NEB: variants seen among roughly 807,000 people sequenced by gnomAD.
NEB encodes nebulin.
In NEB, 512 loss-of-function variants were observed where a neutral mutation model predicts 952.2. The observed-to-expected ratio is 0.54, with a 90% CI of 0.50 to 0.58. NEB has a LOEUF of 0.58. NEB is among the 20% of genes least tolerant of loss of function. The pLI is 0.00. For synonymous variants in NEB, 2,900 were observed against 3,149.8 expected (o/e 0.92, Z 2.66); for missense variants, 8,428 against 9,231.1 (o/e 0.91, Z 3.56).
chr2:151,519,672 T>A lies in NEB; in HGVS notation c.22576A>T (p.Asn7526Tyr). 6.2e-7 allele frequency: 1 copy of A among 1,608,998 alleles called. No individual in the cohort carries two copies. Among genetic ancestry groups the A allele is most frequent in the South Asian group, 1.1e-5 (1 of 90,936 alleles). ...QLYKVMKDAN[N>Y]LASEVKYKAD... ...TAGAAACATACCTCACTTGCAAGATTATTAGCATCTTTCATGACTTTGTAG... is the reference window on the plus strand; with the variant it reads ...TAGAAACATACCTCACTTGCAAGATAATTAGCATCTTTCATGACTTTGTAG... The change falls in exon 154 of 182, where the codon AAT becomes TAT. Residue 7526 changes from asparagine to tyrosine, a missense_variant. Asn to Tyr is a moderately radical substitution (Grantham distance 143). This residue lies in a region of NEB where 3,374 missense variants were observed against 3,651.5 expected (regional missense o/e 0.92). Transcript: ENST00000397345.
At chr2:151,604,130 T>C (rs1183385363) in intron 85 of NEB, among the ~76,000 whole-genome samples, 1 of 120,286 alleles carries the variant, frequency 8.3e-6, no homozygotes, top group Non-Finnish European at 1.7e-5. Flanking sequence ...TCTTAGGAGG[T>C]AAAGAACCTT....
At chr2:151,577,018 G>A (rs1288956292) in intron 105 of NEB, among the ~76,000 whole-genome samples, 1 of 152,152 alleles carries the variant, frequency 6.6e-6, no homozygotes, top group East Asian at 1.9e-4. Flanking sequence ...TTGAGGGACT[G>A]CATGGAAGAC....
chr2:151,561,392 T>C, intron 121 of NEB, 80 bp from the exon 122 acceptor site: 2 of 940,102 alleles, frequency 2.1e-6, no homozygotes, highest in Non-Finnish European at 3.3e-6. Flanking sequence ...CCAACTTACA[T>C]GTGCCTTTAT....
chr2:151,639,891 A>G lies in NEB; in HGVS notation c.8855T>C (p.Val2952Ala), dbSNP rs1409815303. Residue 2952 changes from valine (V) to alanine (A), a missense_variant, in exon 62 of 182, where the codon GTG becomes GCG. By Grantham distance (64) the Val-to-Ala change is moderately conservative (BLOSUM62 0). Around this residue, in one of 11 missense-constraint regions of NEB, gnomAD observed 1,772 missense variants for 1,960.3 expected, o/e 0.90. Transcript: ENST00000397345. Reference sequence around the variant, plus strand: ...AGTGATGGCATTATTTTTGGCCAACACTTGTTCCAGAGAGTCAGTCACACT... The same window carrying G: ...AGTGATGGCATTATTTTTGGCCAACGCTTGTTCCAGAGAGTCAGTCACACT... The part of the protein sequence containing the change: ...FTSVTDSLEQ[V>A]LAKNNAITMN... The G allele has an allele frequency of 6.2e-7, 1 of 1,613,910 alleles. No homozygotes were observed. Among genetic ancestry groups the G allele is most frequent in the East Asian group, 2.2e-5 (1 of 44,874 alleles).
rs761647998 is a variant in NEB, at chr2:151,618,278, A to G, written c.11073T>C (p.Asn3691=). The G allele has an allele frequency of 6.2e-7, 1 of 1,613,626 alleles. No individual in the cohort carries two copies. Among genetic ancestry groups the G allele is most frequent in the Non-Finnish European group, 8.5e-7 (1 of 1,179,576 alleles). Residue 3691 remains asparagine, a synonymous_variant, in exon 74 of 182, where the codon AAT becomes AAC. Coordinates refer to ENST00000397345, the MANE Select transcript of NEB (RefSeq NM_001164508.2). ...VLAKNNALNM[N]KRLYTEAWDN... is the part of the protein sequence containing the mutation. ...ACAGTGAGGATTGAAGACTCACCTT[A>G]TTCATGTTTAAAGCATTGTTTTTTG...
chr2:151,518,965 A>G lies in NEB; in HGVS notation c.22695T>C (p.Ser7565=), dbSNP rs1232699098. 1 of 1,605,058 alleles carries G rather than the reference A, an allele frequency of 6.2e-7. No homozygotes were observed. Among genetic ancestry groups the G allele is most frequent in the Admixed American group, 1.7e-5 (1 of 59,978 alleles). ...TTCTGGAGCAAATGACTGAGCTTAC[A>G]GAACTGGCAAGTTGGCTTGTATTCA... is the stretch of plus-strand genomic sequence containing the variant. The part of the protein sequence containing the change: ...HVLNTSQLAS[S]YQYKKKYEKS... The change falls in exon 155 of 182, where the codon TCT becomes TCC. Residue 7565 remains serine, a splice_region_variant and synonymous_variant. Coordinates refer to ENST00000397345, the MANE Select transcript of NEB (RefSeq NM_001164508.2).
chr2:151,697,290 T>C (rs747127559), intron 15 of NEB, 38 bp from the exon 16 acceptor site: 1 of 1,607,836 alleles, frequency 6.2e-7, no homozygotes, highest in Non-Finnish European at 8.5e-7. Context: ...ATGCAGCCAT[T>C]GTATTCATGC....
intron 111 of NEB, 86 bp downstream of exon 111, chr2:151,568,532 G>T (rs1227963393): frequency 2.1e-6 from 3 of 1,415,988 alleles, no homozygotes; most frequent in East Asian, 4.6e-5. Flanking sequence ...TATTTCAGAT[G>T]ATTGCATTCT....
intron 176 of NEB, 46 bp downstream of exon 176, chr2:151,493,307 T>G: frequency 7.1e-7 from 1 of 1,410,600 alleles, no homozygotes; most frequent in Non-Finnish European, 9.9e-7. Context: ...GTTAAAATGT[T>G]ATTTTCCAAG....
intron 64 of NEB, among the ~76,000 whole-genome samples, chr2:151,634,515 G>A (rs531989234): frequency 5.3e-4 from 81 of 152,088 alleles, no homozygotes; most frequent in African/African-American, 2.7e-4. Flanking sequence ...GGTGGCGGGC[G>A]CCTGTAGTCC....
At chr2:151,502,213 T>C (rs1383710819) in intron 167 of NEB, among the ~76,000 whole-genome samples, 15 of 152,122 alleles carry the variant, frequency 9.9e-5, no homozygotes, top group Non-Finnish European at 2.1e-4. Context: ...CTTTGGGGAC[T>C]TGCAGGAAAG....
At chr2:151,620,313 T>C (rs2098368656) in intron 72 of NEB, among the ~76,000 whole-genome samples, 1 of 130,860 alleles carries the variant, frequency 7.6e-6, no homozygotes, top group Non-Finnish European at 1.6e-5. Flanking sequence ...ATGGTTAAGA[T>C]GGTAAATTTT....
rs200165006 is a variant in NEB at position 151,492,419 on chromosome 2, G to A, written c.24841C>T (p.Arg8281Trp). The A allele has an allele frequency of 7.0e-5, 112 of 1,609,570 alleles. No individual in the cohort carries two copies. Among genetic ancestry groups the A allele is most frequent in the African/African-American group, 6.0e-4 (45 of 74,518 alleles). ...ATGTGCCGTTGGGTCTCCCTCACCC[G>A]TCTCATCTCGGGGGTATCCAATACA... The part of the protein sequence containing the change: ...AYVLDTPEMR[R>W]VRETQRHIST... Residue 8281 changes from arginine to tryptophan, a missense_variant, in exon 177 of 182, where the codon CGG becomes TGG. Coordinates refer to ENST00000397345, the MANE Select transcript of NEB (RefSeq NM_001164508.2).
intron 13 of NEB, 81 bp from the exon 14 acceptor site, chr2:151,697,729 A>C (rs990563574): frequency 1.7e-5 from 15 of 901,556 alleles, no homozygotes; most frequent in Non-Finnish European, 2.5e-5. Context: ...TCTAACACTA[A>C]ACAAAAGATG....
rs1210419420 is a variant in NEB at position 151,565,094 on chromosome 2, C to G, written c.18421G>C (p.Asp6141His). The G allele has an allele frequency of 6.2e-7, 1 of 1,601,362 alleles. No individual in the cohort carries two copies. The highest frequency in any genetic ancestry group is 1.7e-5 in the Admixed American group (1 of 59,718). Residue 6141 changes from aspartate (D) to histidine (H), a missense_variant, in exon 117 of 182, where the codon GAT (aspartate) becomes CAT (histidine). Asp to His is a moderately conservative substitution (Grantham distance 81, BLOSUM62 -1). Transcript: ENST00000397345. ...KAKGKYTFSP[D>H]TPHISHSKDM... is the part of the protein sequence containing the mutation. ...TTGGAGTGGGAGATATGTGGTGTAT[C>G]TGGTGAAAACGTATATTTGCCCTTT...
rs531825244 is a variant in NEB, at chr2:151,495,151, T to TATC, written c.24487-901_24487-899dup. 219 of 152,370 alleles carry TATC rather than the reference T, an allele frequency of 1.4e-3. 1 individual carries two copies. Among genetic ancestry groups the TATC allele is most frequent in the African/African-American group, 5.0e-3 (209 of 41,590 alleles). The allele number at this position is 152,370 out of a possible 1,614,324, so 9.4% of individuals were successfully genotyped here. A position where few individuals can be genotyped will look rare whatever the true frequency, so the allele number is the denominator to read the frequency against. ...ATAAGGTTTTTGGCTCTTATATCAC[T>TATC]ATCATGGCGAATCAGTGGAAAATGA... On this transcript the variant is annotated intron_variant, in intron 173 of 181. Coordinates refer to ENST00000397345, the MANE Select transcript of NEB (RefSeq NM_001164508.2).
intron 153 of NEB, among the ~76,000 whole-genome samples, chr2:151,522,984 C>A (rs1386424154): frequency 6.6e-6 from 1 of 152,194 alleles, no homozygotes; most frequent in South Asian, 2.1e-4. Context: ...GTCCCATTCT[C>A]CATACCATAG....
intron 135 of NEB, among the ~76,000 whole-genome samples, chr2:151,545,469 G>A (rs1006414516): frequency 6.6e-5 from 10 of 152,070 alleles, no homozygotes; most frequent in Non-Finnish European, 1.5e-4. Context: ...CAGCTACTCT[G>A]GAGGCTGAGG....
Position 151,629,581 on chromosome 2 carries a change from G to A in NEB, c.9789C>T (p.Ile3263=), listed in dbSNP as rs749055833. 1.2e-6 allele frequency: 2 copies of A among 1,613,714 alleles called. No homozygotes were observed. Among genetic ancestry groups the A allele is most frequent in the Non-Finnish European group, 1.7e-6 (2 of 1,179,790 alleles). ...TGGAGGCCTTGGCAGCCACGATGGG[G>A]ATGGCGTCACTTCGCAAGTCGTAGC... ...KKGYDLRSDA[I]PIVAAKASRD... The change falls in exon 68 of 182, where the codon ATC becomes ATT. Residue 3263 remains isoleucine (I), a synonymous_variant. Transcript: ENST00000397345.
Sources: gnomAD v4.1 joint callset for allele counts (sites outside exome capture counted in the v4.1 genomes callset) on GRCh38, gnomAD v4.1.1 for gene constraint, gnomAD v4.1.1 regional missense constraint, MANE v1.5 for transcripts, NCBI Gene and HGNC (gene_info 2026-07-23, HGNC 2026-07-21) for gene names.